The following PARP8 variants were observed in gnomAD, a reference collection of about 807,000 sequenced individuals.
The protein encoded by PARP8 is protein mono-ADP-ribosyltransferase PARP8.
In PARP8, 51 loss-of-function variants were observed where a neutral mutation model predicts 124.1. The ratio of observed to expected loss-of-function variants is 0.41; its 90% CI spans 0.33 to 0.52. The LOEUF (loss-of-function observed/expected upper bound fraction) is 0.52, where lower values mean the gene tolerates loss of function less well. Ranked by LOEUF, PARP8 falls within the 20% of genes least tolerant of loss-of-function variation. PARP8 has a pLI of 0.21. For missense variants in PARP8, 860 were observed against 1,018.9 expected (o/e 0.84, Z 2.12); for synonymous variants, 391 against 361.5 (o/e 1.08, Z -0.93).
In PARP8 at chr5:50,781,471, G is replaced by A. The variant is rs1435918833; in HGVS notation, c.670+2821G>A. Among the ~76,000 whole-genome samples, 3 of 152,170 alleles carry A rather than the reference G, an allele frequency of 2.0e-5. No homozygotes were observed. In the East Asian group the frequency reaches 5.8e-4, roughly 29 times the overall value. Reference sequence around the variant, plus strand: ...TGAACAGTTCTCCCATTAAGAAGAGGAAAGAAAGAGAATTCCACACTGACC... The same window carrying A: ...TGAACAGTTCTCCCATTAAGAAGAGAAAAGAAAGAGAATTCCACACTGACC... On this transcript the variant is annotated intron_variant, in intron 9 of 25. Transcript: ENST00000281631.
intron 2 of PARP8, among the ~76,000 whole-genome samples, chr5:50,692,743 A>G (rs1752631651): frequency 6.6e-6 from 1 of 152,148 alleles, no homozygotes; most frequent in Middle Eastern, 3.4e-3. Flanking sequence ...ACTCTCTTAA[A>G]TTTCAGCTTC....
At chr5:50,737,791 G>A (rs1757624610) in intron 2 of PARP8, among the ~76,000 whole-genome samples, 1 of 152,134 alleles carries the variant, frequency 6.6e-6, no homozygotes, top group Non-Finnish European at 1.5e-5. Flanking sequence ...ACTTTGGTAA[G>A]ACCATACACA....
chr5:50,758,536 T>C (rs1760205709), intron 3 of PARP8, among the ~76,000 whole-genome samples: 3 of 152,218 alleles, frequency 2.0e-5, no homozygotes, highest in Admixed American at 2.0e-4. Flanking sequence ...CGACACAATA[T>C]TATGAAAACT....
At chr5:50,749,964 T>C (rs1759047596) in intron 2 of PARP8, among the ~76,000 whole-genome samples, 187 bp from the exon 3 acceptor site, 1 of 152,140 alleles carries the variant, frequency 6.6e-6, no homozygotes, top group Non-Finnish European at 1.5e-5. Flanking sequence ...ATGGAAAGTA[T>C]ATTTTAAAAA....
chr5:50,799,059 A>T (rs1432411142), intron 14 of PARP8, among the ~76,000 whole-genome samples: 2 of 152,144 alleles, frequency 1.3e-5, no homozygotes, highest in African/African-American at 4.8e-5. Context: ...TGACACACAC[A>T]AGTTTTTAAT....
At chr5:50,790,118 A>G (rs1431400950) in intron 10 of PARP8, among the ~76,000 whole-genome samples, 1 of 152,220 alleles carries the variant, frequency 6.6e-6, no homozygotes, top group Admixed American at 6.5e-5. Context: ...ACATTCTTAT[A>G]AATTCCCAGT....
At chr5:50,685,487 T>C (rs1188187870) in intron 2 of PARP8, among the ~76,000 whole-genome samples, 2 of 152,200 alleles carry the variant, frequency 1.3e-5, no homozygotes, top group Admixed American at 6.5e-5. Flanking sequence ...GAAGCTGATA[T>C]TTTAGGTGTA....
intron 10 of PARP8, among the ~76,000 whole-genome samples, chr5:50,788,958 C>T (rs1360796298): frequency 6.6e-6 from 1 of 152,152 alleles, no homozygotes; most frequent in Non-Finnish European, 1.5e-5. Flanking sequence ...AGGAGGTCAT[C>T]CTGAGCCGAC....
intron 6 of PARP8, among the ~76,000 whole-genome samples, chr5:50,762,254 T>C (rs1760622821): frequency 6.6e-6 from 1 of 152,150 alleles, no homozygotes; most frequent in Non-Finnish European, 1.5e-5. Context: ...TTGTTAGTTT[T>C]AAATAGAAGC....
Position 50,791,608 on chromosome 5 carries a change from A to C in PARP8, c.738-2599A>C, listed in dbSNP as rs563823065. Among the ~76,000 whole-genome samples, 3 of 152,334 alleles carry C rather than the reference A, an allele frequency of 2.0e-5. No homozygotes were observed. The South Asian group carries it at 6.2e-4, about 32-fold the overall frequency. The stretch of plus-strand genomic sequence containing the variant: ...ATGGCTGACCTGACACAGATATCAC[A>C]GATATAGTGATTGGTCTTGTATAGG... On this transcript the variant is annotated intron_variant, in intron 10 of 25. Transcript: ENST00000281631.
intron 2 of PARP8, among the ~76,000 whole-genome samples, chr5:50,747,163 G>GTTTTTTTTTTTTTTTTTTTTGT (rs1211253892): frequency 1.0e-5 from 1 of 95,504 alleles, no homozygotes; most frequent in Non-Finnish European, 2.0e-5. Context: ...TGTTTGTTTT[G>GTTTTTTTTTTTTTTTTTTTTGT]TTTTTTTTTT....
At chr5:50,694,151 T>C (rs774838810) in intron 2 of PARP8, among the ~76,000 whole-genome samples, 14 of 152,206 alleles carry the variant, frequency 9.2e-5, no homozygotes, top group South Asian at 2.1e-4. Context: ...CTTGTACTTA[T>C]ATATTTTTGC....
intron 5 of PARP8, 24 bp from the exon 6 acceptor site, chr5:50,761,797 G>T: frequency 7.0e-7 from 1 of 1,432,676 alleles, no homozygotes; most frequent in Non-Finnish European, 9.6e-7. Context: ...CCATTAAATT[G>T]TTTTCTTACT....
chr5:50,799,089 T>C (rs1180171287), intron 14 of PARP8, among the ~76,000 whole-genome samples: 1 of 152,238 alleles, frequency 6.6e-6, no homozygotes, highest in African/African-American at 2.4e-5. Flanking sequence ...GTCTTATTTA[T>C]CAATTTTTTC....
intron 3 of PARP8, among the ~76,000 whole-genome samples, chr5:50,755,238 G>A (rs900150895): frequency 3.3e-5 from 5 of 152,270 alleles, no homozygotes; most frequent in African/African-American, 1.2e-4. Context: ...TGGTGTTTTA[G>A]ACATGAAGTC....
chr5:50,832,909 C>T, intron 23 of PARP8, 55 bp downstream of exon 23: 1 of 1,501,576 alleles, frequency 6.7e-7, no homozygotes, highest in South Asian at 1.1e-5. Context: ...GCCTCATCAG[C>T]CAGCAGAGCA....
intron 2 of PARP8, among the ~76,000 whole-genome samples, chr5:50,714,534 G>A (rs558423581): frequency 5.9e-5 from 9 of 151,952 alleles, no homozygotes; most frequent in Non-Finnish European, 1.0e-4. Flanking sequence ...TTTAAGCCCC[G>A]CATGCATTAG....
rs1180177423 is a variant in PARP8, at chr5:50,845,547, T to A, written c.*3479T>A. 1 of 151,750 alleles carries A rather than the reference T, an allele frequency of 6.6e-6. No individual in the cohort carries two copies. Among genetic ancestry groups the A allele is most frequent in the Non-Finnish European group, 1.5e-5 (1 of 67,802 alleles). 9.4% of individuals were successfully genotyped at this position (151,750 alleles called of 1,614,324 possible). A position where few individuals can be genotyped will look rare whatever the true frequency, so the allele number is the denominator to read the frequency against. On this transcript the variant is annotated 3_prime_UTR_variant, in exon 26 of 26. Transcript: ENST00000281631. Reference sequence around the variant, plus strand: ...TTTTCAATGTCAGGAACAAATAAAATTTTGCAAATAGAAGTCATCAAATAA... The same window carrying A: ...TTTTCAATGTCAGGAACAAATAAAAATTTGCAAATAGAAGTCATCAAATAA...
intron 2 of PARP8, among the ~76,000 whole-genome samples, chr5:50,746,313 C>CA (rs1561319404): frequency 6.6e-6 from 1 of 152,112 alleles, no homozygotes; most frequent in Non-Finnish European, 1.5e-5. Context: ...AAAGGTAGCA[C>CA]AAGGGAAATT....
Sources: allele counts gnomAD v4.1 joint callset (sites outside exome capture counted in the v4.1 genomes callset), GRCh38; gene constraint gnomAD v4.1.1; transcripts MANE v1.5; gene names NCBI Gene and HGNC (gene_info 2026-07-23, HGNC 2026-07-21).